Variants in CA10 observed in about 807,000 individuals in gnomAD.
The protein encoded by CA10 is carbonic anhydrase 10 (inactive).
A neutral mutation model predicts 44.2 loss-of-function variants in CA10; 14 were observed. The ratio of observed to expected loss-of-function variants is 0.32; its 90% CI spans 0.21 to 0.50. CA10 has a LOEUF of 0.50. Ranked by LOEUF, CA10 falls within the 20% of genes least tolerant of loss-of-function variation. CA10 has a pLI of 0.99. For synonymous variants in CA10, 159 were observed against 141.6 expected (o/e 1.12, Z -0.87); for missense variants, 350 against 409.7 (o/e 0.85, Z 1.26).
At chr17:52,124,352 G>A (rs1989074364) in intron 1 of CA10, among the ~76,000 whole-genome samples, 1 of 152,180 alleles carries the variant, frequency 6.6e-6, no homozygotes, top group African/African-American at 2.4e-5. Context: ...AGATTTAAGA[G>A]TGATGACCTC....
intron 2 of CA10, among the ~76,000 whole-genome samples, chr17:52,054,634 C>T (rs8071295): frequency 3.3e-5 from 5 of 151,876 alleles, no homozygotes; most frequent in Admixed American, 6.6e-5. Context: ...CGGAACCTGC[C>T]GACATGTGAT....
chr17:52,063,120 T>C (rs1987434719), intron 2 of CA10, among the ~76,000 whole-genome samples: 1 of 152,178 alleles, frequency 6.6e-6, no homozygotes, highest in Non-Finnish European at 1.5e-5. Flanking sequence ...CCCTGCTGGG[T>C]TTTAGACTTC....
chr17:52,121,268 A>G (rs1567739961), intron 1 of CA10, among the ~76,000 whole-genome samples: 1 of 152,136 alleles, frequency 6.6e-6, no homozygotes, highest in African/African-American at 2.4e-5. Context: ...TCTCTGCCTC[A>G]TCTCTGGTTA....
intron 2 of CA10, among the ~76,000 whole-genome samples, chr17:52,060,792 T>C (rs1216968234): frequency 6.6e-6 from 1 of 152,216 alleles, no homozygotes; most frequent in African/African-American, 2.4e-5. Flanking sequence ...ATCAAATTTA[T>C]ACATATTTGT....
chr17:51,784,786 A>G (rs1598043587), intron 3 of CA10, among the ~76,000 whole-genome samples: 3 of 152,230 alleles, frequency 2.0e-5, no homozygotes, highest in Admixed American at 2.0e-4. Flanking sequence ...AAATGATCCA[A>G]TTATACTCTT....
chr17:51,887,044 G>C (rs533713369), intron 3 of CA10, among the ~76,000 whole-genome samples: 14 of 152,212 alleles, frequency 9.2e-5, no homozygotes, highest in African/African-American at 3.1e-4. Flanking sequence ...CTTGCATATA[G>C]CAGATAATGA....
chr17:51,756,678 G>A (rs928330273), intron 3 of CA10, among the ~76,000 whole-genome samples: 3 of 151,740 alleles, frequency 2.0e-5, no homozygotes, highest in Non-Finnish European at 2.9e-5. Flanking sequence ...GGGTTTCACC[G>A]TGTTAGCCAG....
intron 2 of CA10, among the ~76,000 whole-genome samples, chr17:52,010,132 A>T (rs571791203): frequency 8.6e-5 from 13 of 152,012 alleles, no homozygotes; most frequent in Non-Finnish European, 1.9e-4. Flanking sequence ...TGAAAAGGGA[A>T]CACTTTTACA....
At chr17:52,072,477 C>G in intron 1 of CA10, 84 bp from the exon 2 acceptor site, 1 of 959,932 alleles carries the variant, frequency 1.0e-6, no homozygotes, top group Middle Eastern at 2.1e-4. Context: ...GGGTGAATAT[C>G]CATAAAATAA....
At chr17:51,990,270 T>G (rs1251944846) in intron 2 of CA10, among the ~76,000 whole-genome samples, 3 of 152,188 alleles carry the variant, frequency 2.0e-5, no homozygotes, top group Non-Finnish European at 4.4e-5. Context: ...TCAAGATCCC[T>G]GTTTTATAGG....
intron 4 of CA10, among the ~76,000 whole-genome samples, chr17:51,723,874 C>A (rs1440346702): frequency 6.6e-6 from 1 of 152,196 alleles, no homozygotes; most frequent in Non-Finnish European, 1.5e-5. Context: ...TTAGCTGGGG[C>A]ACCACTGCAG....
At chr17:51,871,026 CTTCT>C (rs1979779825) in intron 3 of CA10, among the ~76,000 whole-genome samples, 1 of 147,398 alleles carries the variant, frequency 6.8e-6, no homozygotes, top group South Asian at 2.2e-4. Flanking sequence ...TCCCTCCTTC[CTTCT>C]TTACTTTCTT....
chr17:52,119,302 G>A (rs966690925), intron 1 of CA10, among the ~76,000 whole-genome samples: 27 of 151,856 alleles, frequency 1.8e-4, no homozygotes, highest in African/African-American at 6.5e-4. Context: ...ATTTTCTTTT[G>A]CAACAGAATG....
intron 3 of CA10, among the ~76,000 whole-genome samples, chr17:51,756,949 C>T (rs966462872): frequency 2.0e-5 from 3 of 152,170 alleles, no homozygotes; most frequent in African/African-American, 7.2e-5. Flanking sequence ...ATGGGTCATA[C>T]CTGCCTCTCC....
intron 3 of CA10, among the ~76,000 whole-genome samples, chr17:51,885,140 C>G (rs962768308): frequency 3.3e-5 from 5 of 152,150 alleles, no homozygotes; most frequent in African/African-American, 1.2e-4. Context: ...CATATTTTTA[C>G]TTCATTTTTT....
At chr17:52,143,165 T>C (rs114909780) in intron 1 of CA10, among the ~76,000 whole-genome samples, 1 of 152,172 alleles carries the variant, frequency 6.6e-6, no homozygotes, top group Admixed American at 6.5e-5. Flanking sequence ...ACTGCTTTAG[T>C]ATTAAATCTT....
chr17:52,054,694 C>T (rs1987175582), intron 2 of CA10, among the ~76,000 whole-genome samples: 1 of 151,952 alleles, frequency 6.6e-6, no homozygotes, highest in African/African-American at 2.4e-5. Context: ...GTACTCTTTC[C>T]CTTATTTCTC....
At chr17:51,940,331 C>T (rs1422599124) in intron 2 of CA10, among the ~76,000 whole-genome samples, 9 of 152,024 alleles carry the variant, frequency 5.9e-5, no homozygotes, top group Middle Eastern at 3.2e-3. Context: ...CCTTCCTGAT[C>T]AAAAAGATGC....
At chr17:52,056,211 GAC>G (rs1457869683) in intron 2 of CA10, among the ~76,000 whole-genome samples, 2 of 151,820 alleles carry the variant, frequency 1.3e-5, no homozygotes, top group East Asian at 3.9e-4. Flanking sequence ...TCCAAAATGA[GAC>G]TCACTGGTGA....
Sources: allele counts gnomAD v4.1 joint callset (sites outside exome capture counted in the v4.1 genomes callset), GRCh38; gene constraint gnomAD v4.1.1; transcripts MANE v1.5; gene names NCBI Gene and HGNC (gene_info 2026-07-23, HGNC 2026-07-21).